Variants in GSTO1 observed in about 807,000 individuals in gnomAD.
GSTO1 encodes the protein glutathione S-transferase omega 1, also known as glutathione S-transferase omega-1.
A neutral mutation model predicts 23.8 loss-of-function variants in GSTO1; 27 were observed. That is an observed-to-expected ratio of 1.13 (90% confidence interval 0.83 to 1.56). The LOEUF is 1.56. Among genes scored for constraint, GSTO1 ranks in the 40% most tolerant of loss-of-function variants. The pLI, the probability that GSTO1 is intolerant of heterozygous loss-of-function variation, is 0.00. For missense variants in GSTO1, 255 were observed against 285.8 expected (o/e 0.89, Z 0.78); for synonymous variants, 105 against 109.3 (o/e 0.96, Z 0.25).
intron 4 of GSTO1, among the ~76,000 whole-genome samples, chr10:104,263,822 T>C (rs1006543433): frequency 2.3e-4 from 35 of 152,230 alleles, no homozygotes; most frequent in African/African-American, 8.2e-4. Flanking sequence ...AAATGTTGAA[T>C]TTTATTGAAT....
chr10:104,266,253 T>G, intron 5 of GSTO1, 63 bp downstream of exon 5: 7 of 864,598 alleles, frequency 8.1e-6, no homozygotes, highest in Non-Finnish European at 1.4e-5. Context: ...TATATTGACC[T>G]TTCTTTATAA....
intron 2 of GSTO1, among the ~76,000 whole-genome samples, chr10:104,258,399 TACAGCAAACAAGCTTCCAC>T (rs1344458402): frequency 6.6e-6 from 1 of 152,084 alleles, no homozygotes; most frequent in Non-Finnish European, 1.5e-5. Flanking sequence ...CACATGAGAC[TACAGCAAACAAGCTTCCAC>T]ACAGCAAAGG....
At chr10:104,259,891 G>C in intron 3 of GSTO1, 93 bp downstream of exon 3, 2 of 811,898 alleles carry the variant, frequency 2.5e-6, no homozygotes, top group East Asian at 4.9e-5. Flanking sequence ...ATTTGGGAGA[G>C]AAAAACAAAA....
intron 4 of GSTO1, among the ~76,000 whole-genome samples, chr10:104,265,460 C>T (rs991384217): frequency 9.4e-5 from 14 of 148,820 alleles, no homozygotes; most frequent in Admixed American, 8.5e-4. Flanking sequence ...CTGCAGTGAA[C>T]ATTCACATAA....
At chr10:104,264,391 T>C (rs1380947608) in intron 4 of GSTO1, among the ~76,000 whole-genome samples, 1 of 152,106 alleles carries the variant, frequency 6.6e-6, no homozygotes, top group Admixed American at 6.5e-5. Flanking sequence ...CAGAACACAG[T>C]AGGTAGATAT....
chr10:104,262,999 C>A lies in GSTO1; in HGVS notation c.387C>A (p.Ser129Arg), dbSNP rs1031409217. 12 of 1,515,938 alleles carry A rather than the reference C, an allele frequency of 7.9e-6. No individual in the cohort carries two copies. Among genetic ancestry groups the A allele is most frequent in the Admixed American group, 3.5e-5 (2 of 57,842 alleles). 93.9% of individuals were successfully genotyped at this position (1,515,938 alleles called of 1,614,324 possible). The change falls in exon 4 of 6, where the codon AGC (serine) becomes AGA (arginine). Residue 129 changes from serine (S) to arginine (R), a missense_variant. Coordinates refer to ENST00000369713, the MANE Select transcript of GSTO1 (RefSeq NM_004832.3). ...TCTAGGTGCCATCCTTGGTAGGAAG[C>A]TTTATTAGAAGCCAAAATAAAGAAG... ...LFSKVPSLVG[S>R]FIRSQNKEDY...
Position 104,262,991 on chromosome 10 carries a change from G to T in GSTO1, c.379G>T (p.Val127Leu). ...LELFSKVPSLVGSFIRSQNKE... is the reference protein window; with the variant it reads ...LELFSKVPSLLGSFIRSQNKE... ...ATTCTCTGTCTAGGTGCCATCCTTG[G>T]TAGGAAGCTTTATTAGAAGCCAAAA... The change falls in exon 4 of 6, where the codon GTA (valine) becomes TTA (leucine). Residue 127 changes from valine to leucine, a missense_variant. Val to Leu is a conservative substitution (Grantham distance 32). Coordinates refer to ENST00000369713, the MANE Select transcript of GSTO1 (RefSeq NM_004832.3). The T allele has an allele frequency of 6.8e-7, 1 of 1,474,666 alleles. No individual in the cohort carries two copies. The highest frequency in any genetic ancestry group is 9.5e-7 in the Non-Finnish European group (1 of 1,056,932). The allele number at this position is 1,474,666 out of a possible 1,614,324, so 91.3% of individuals were successfully genotyped here. A position where few individuals can be genotyped will look rare whatever the true frequency, so the allele number is the denominator to read the frequency against.
rs571696158 is a variant in GSTO1, at chr10:104,263,801, A to T, written c.465+724A>T. Among the ~76,000 whole-genome samples, 338 of 152,284 alleles carry T rather than the reference A, an allele frequency of 2.2e-3. 1 individual carries two copies. Among genetic ancestry groups the T allele is most frequent in the Non-Finnish European group, 4.2e-3 (288 of 68,014 alleles). On this transcript the variant is annotated intron_variant, in intron 4 of 5. Coordinates refer to ENST00000369713, the MANE Select transcript of GSTO1 (RefSeq NM_004832.3). ...TTCTATTACTAGTTTGCTAATTTTT[A>T]AAAAAGTCATAAATGTTGAATTTTA...
chr10:104,257,459 G>C (rs138955352), intron 2 of GSTO1, among the ~76,000 whole-genome samples: 1 of 151,622 alleles, frequency 6.6e-6, no homozygotes, highest in African/African-American at 2.4e-5. Flanking sequence ...TCTCACCTCA[G>C]CATCCGGAGT....
chr10:104,267,191 ACT>A lies in GSTO1; in HGVS notation c.573-58_573-57del, dbSNP rs1167198123. 6 of 1,046,798 alleles carry A rather than the reference ACT, an allele frequency of 5.7e-6. No homozygotes were observed. In the Admixed American group the frequency reaches 7.0e-5, roughly 12 times the overall value. 64.8% of individuals were successfully genotyped at this position (1,046,798 alleles called of 1,614,324 possible). Reference sequence around the variant, plus strand: ...GTAGAGTAATAATTACATATGGGAGACTCTGTGATGTCATCCTAGTTGACCTA... The same window carrying A: ...GTAGAGTAATAATTACATATGGGAGACTGTGATGTCATCCTAGTTGACCTA... On this transcript the variant is annotated intron_variant, in intron 5 of 5. Transcript: ENST00000369713.
intron 4 of GSTO1, among the ~76,000 whole-genome samples, chr10:104,263,375 T>C (rs1564837446): frequency 6.6e-6 from 1 of 152,274 alleles, no homozygotes; most frequent in Non-Finnish European, 1.5e-5. Context: ...AGTTTTTATG[T>C]ATCCAGTTTT....
At chr10:104,264,998 G>A (rs1431090704) in intron 4 of GSTO1, among the ~76,000 whole-genome samples, 1 of 152,208 alleles carries the variant, frequency 6.6e-6, no homozygotes, top group Non-Finnish European at 1.5e-5. Context: ...CCCAGGAAAA[G>A]AGCAAAATTC....
intron 3 of GSTO1, among the ~76,000 whole-genome samples, chr10:104,260,278 T>C (rs946060372): frequency 6.6e-6 from 1 of 152,214 alleles, no homozygotes; most frequent in Non-Finnish European, 1.5e-5. Context: ...GGCTGTGTTT[T>C]GATCACTGTT....
At chr10:104,254,602 C>A, upstream of GSTO1, 1 of 445,558 alleles carries the variant, frequency 2.2e-6, no homozygotes, top group Non-Finnish European at 4.1e-6. Flanking sequence ...AGGTCAGGGT[C>A]AGGGTCAGAC....
chr10:104,261,485 A>G (rs1031608704), intron 3 of GSTO1, among the ~76,000 whole-genome samples: 2 of 152,188 alleles, frequency 1.3e-5, no homozygotes, highest in African/African-American at 4.8e-5. Flanking sequence ...GAACTAAGAC[A>G]GTAAAGGTTA....
At chr10:104,254,475 C>T (rs2091591562), upstream of GSTO1, 1 of 196,836 alleles carries the variant, frequency 5.1e-6, no homozygotes, top group South Asian at 7.8e-5. Flanking sequence ...TGAACAGGAG[C>T]CTTTGGAGAG....
upstream of GSTO1, chr10:104,254,793 G>GA: frequency 1.3e-6 from 1 of 784,748 alleles, no homozygotes; most frequent in Non-Finnish European, 2.2e-6. Flanking sequence ...ACAACGGGTG[G>GA]AGCTGGCGGC....
chr10:104,259,970 A>C (rs558814440), intron 3 of GSTO1, among the ~76,000 whole-genome samples, 172 bp downstream of exon 3: 1 of 152,222 alleles, frequency 6.6e-6, no homozygotes, highest in Admixed American at 6.5e-5. Flanking sequence ...TTTACCTCCA[A>C]AATTATCCCT....
At chr10:104,254,875 T>C, upstream of GSTO1, 6 of 1,573,958 alleles carry the variant, frequency 3.8e-6, no homozygotes, top group South Asian at 1.1e-5. Context: ...ACGCGCCACC[T>C]ACTTCCTGAA....
Sources: allele counts gnomAD v4.1 joint callset (sites outside exome capture counted in the v4.1 genomes callset), GRCh38; gene constraint gnomAD v4.1.1; transcripts MANE v1.5; gene names NCBI Gene and HGNC (gene_info 2026-07-23, HGNC 2026-07-21).